MOCOS: variants seen among roughly 807,000 people sequenced by gnomAD.
MOCOS encodes human molybdenum cofactor sulfurase.
MOCOS carries 86 observed loss-of-function variants against 83.6 expected under a neutral mutation model. The ratio of observed to expected loss-of-function variants is 1.03; its 90% CI spans 0.86 to 1.23. The LOEUF is 1.23. MOCOS is among the 50% of genes most tolerant of loss of function. The probability of loss-of-function intolerance (pLI) is 0.00; values close to 1 mark genes in which losing one functional copy is unlikely to be tolerated. For missense variants in MOCOS, 1,120 were observed against 1,126.9 expected (o/e 0.99, Z 0.09); for synonymous variants, 445 against 434.7 (o/e 1.02, Z -0.29).
At chr18:36,195,893 G>T (rs763311862) in intron 2 of MOCOS, among the ~76,000 whole-genome samples, 1 of 152,060 alleles carries the variant, frequency 6.6e-6, no homozygotes, top group Non-Finnish European at 1.5e-5. Context: ...GCCTGTATCT[G>T]CAGTGACAGT....
intron 6 of MOCOS, among the ~76,000 whole-genome samples, chr18:36,207,480 A>G (rs1014114045): frequency 3.3e-5 from 5 of 152,176 alleles, no homozygotes; most frequent in African/African-American, 1.2e-4. Context: ...TTGACCTTTT[A>G]ATAGCCATTC....
intron 9 of MOCOS, among the ~76,000 whole-genome samples, chr18:36,231,604 T>C (rs2091537944): frequency 1.3e-5 from 2 of 152,182 alleles, no homozygotes; most frequent in Non-Finnish European, 2.9e-5. Context: ...GATGCAGGAA[T>C]CCAATTTGAT....
intron 14 of MOCOS, 39 bp downstream of exon 14, chr18:36,266,892 C>T (rs775098401): frequency 6.6e-7 from 1 of 1,517,634 alleles, no homozygotes; most frequent in Non-Finnish European, 9.1e-7. Flanking sequence ...GGTTTCCAAT[C>T]CTGGTGTTAT....
chr18:36,200,686 C>T (rs954288308), intron 4 of MOCOS, among the ~76,000 whole-genome samples: 2 of 152,174 alleles, frequency 1.3e-5, no homozygotes, highest in Admixed American at 6.5e-5. Context: ...AAACAGTGGC[C>T]TTAAAAGGTG....
intron 9 of MOCOS, among the ~76,000 whole-genome samples, chr18:36,241,100 C>T (rs1327134557): frequency 6.6e-6 from 1 of 152,042 alleles, no homozygotes; most frequent in African/African-American, 2.4e-5. Flanking sequence ...TCTTCTGCGT[C>T]GCTCAGGCTG....
intron 4 of MOCOS, 102 bp downstream of exon 4, chr18:36,200,426 C>A: frequency 7.0e-7 from 1 of 1,424,768 alleles, no homozygotes; most frequent in Non-Finnish European, 9.6e-7. Flanking sequence ...CTTTGAGGGT[C>A]AGCAGAATTC....
chr18:36,256,718 G>A, intron 11 of MOCOS: 1 of 417,192 alleles, frequency 2.4e-6, no homozygotes, highest in Non-Finnish European at 4.5e-6. Context: ...CCAAAGTGCT[G>A]AGCCACTGTG....
chr18:36,242,632 C>G (rs1446389620), intron 9 of MOCOS, among the ~76,000 whole-genome samples: 1 of 152,198 alleles, frequency 6.6e-6, no homozygotes, highest in African/African-American at 2.4e-5. Context: ...GTTTAATTGA[C>G]TCACAGTTCC....
intron 5 of MOCOS, 59 bp from the exon 6 acceptor site, chr18:36,205,018 A>AAAATT: frequency 7.5e-6 from 8 of 1,068,970 alleles, no homozygotes; most frequent in South Asian, 1.4e-5. Flanking sequence ...AAAAAAAAAG[A>AAAATT]GTGAATTGAG....
chr18:36,207,121 C>T (rs557268130), intron 6 of MOCOS, among the ~76,000 whole-genome samples: 5 of 152,292 alleles, frequency 3.3e-5, no homozygotes, highest in Admixed American at 3.3e-4. Flanking sequence ...ACTGCAAACT[C>T]CGCCTCCTGG....
At chr18:36,193,172 G>A (rs1460658675) in intron 1 of MOCOS, among the ~76,000 whole-genome samples, 8 of 150,310 alleles carry the variant, frequency 5.3e-5, no homozygotes, top group East Asian at 2.0e-4. Context: ...TTAGCCGGGC[G>A]CGGTGGCGGG....
chr18:36,237,730 T>G (rs1378697001), intron 9 of MOCOS, among the ~76,000 whole-genome samples: 2 of 151,898 alleles, frequency 1.3e-5, no homozygotes, highest in Non-Finnish European at 2.9e-5. Context: ...CTTGTACCTG[T>G]GGTAGAATTC....
chr18:36,215,956 C>A lies in MOCOS; in HGVS notation c.1776C>A (p.Ile592=). The part of the protein sequence containing the change: ...HVVTNLYLYP[I]KSCAAFEVTR... ...TCACTAACCTTTATCTCTATCCAAT[C>A]AAATCCTGTGCTGCATTTGAGGTAA... The change falls in exon 8 of 15, where the codon ATC becomes ATA. Residue 592 remains isoleucine (I), a synonymous_variant. Transcript: ENST00000261326. The A allele has an allele frequency of 6.2e-7, 1 of 1,613,350 alleles. No homozygotes were observed. Among genetic ancestry groups the A allele is most frequent in the South Asian group, 1.1e-5 (1 of 91,032 alleles).
chr18:36,257,364 G>T (rs2091645566), intron 12 of MOCOS, among the ~76,000 whole-genome samples: 1 of 152,150 alleles, frequency 6.6e-6, no homozygotes, highest in Non-Finnish European at 1.5e-5. Flanking sequence ...CTTAATGTTT[G>T]TTTTAATTGA....
chr18:36,234,538 T>C (rs1202369677), intron 9 of MOCOS, among the ~76,000 whole-genome samples: 1 of 152,170 alleles, frequency 6.6e-6, no homozygotes, highest in East Asian at 1.9e-4. Flanking sequence ...CATACGGATT[T>C]TAGGATCATT....
Position 36,260,081 on chromosome 18 carries a change from G to C in MOCOS, c.2315G>C (p.Ser772Thr), listed in dbSNP as rs549121444. 6.8e-6 allele frequency: 11 copies of C among 1,614,214 alleles called. No homozygotes were observed. In the East Asian group the frequency reaches 2.5e-4, roughly 36 times the overall value. The change falls in exon 13 of 15, where the codon AGC (serine) becomes ACC (threonine). Residue 772 changes from serine to threonine, a missense_variant. Coordinates refer to ENST00000261326, the MANE Select transcript of MOCOS (RefSeq NM_017947.4). ...KEELFSLKDL[S>T]LRFRANIIIN... ...GAATTATTCTCACTGAAGGATCTCA[G>C]CTTGCGTTTTCGTGCCAATATTATT...
rs144154595 is a variant in MOCOS at position 36,232,777 on chromosome 18, C to T, written c.1960+12560C>T. Among the ~76,000 whole-genome samples the T allele has an allele frequency of 4.3e-3, 658 of 151,928 alleles. 4 individuals carry two copies. Among genetic ancestry groups the T allele is most frequent in the African/African-American group, 0.015 (633 of 41,436 alleles). The stretch of plus-strand genomic sequence containing the variant: ...TTTATGCCTGGCTTATTTTACTTAA[C>T]ATAATGTCCTTCAGGCTCATCCATG... On this transcript the variant is annotated intron_variant, in intron 9 of 14. Coordinates refer to ENST00000261326, the MANE Select transcript of MOCOS (RefSeq NM_017947.4).
At chr18:36,194,375 A>G (rs2091378750) in intron 1 of MOCOS, among the ~76,000 whole-genome samples, 1 of 152,202 alleles carries the variant, frequency 6.6e-6, no homozygotes, top group Non-Finnish European at 1.5e-5. Flanking sequence ...TATGTACTTG[A>G]AAGTGTATCT....
intron 11 of MOCOS, among the ~76,000 whole-genome samples, chr18:36,254,178 G>A (rs1458256289): frequency 2.6e-5 from 4 of 152,084 alleles, no homozygotes; most frequent in Admixed American, 2.6e-4. Flanking sequence ...CTAAGCCATT[G>A]GTCTTGAAAC....
Sources: gnomAD v4.1 joint callset for allele counts (sites outside exome capture counted in the v4.1 genomes callset) on GRCh38, gnomAD v4.1.1 for gene constraint, MANE v1.5 for transcripts, NCBI Gene and HGNC (gene_info 2026-07-23, HGNC 2026-07-21) for gene names.